The following VWA5B2 variants were observed in gnomAD, a reference collection of about 807,000 sequenced individuals.
VWA5B2 encodes the protein von Willebrand factor A domain-containing protein 5B2.
In VWA5B2, 93 loss-of-function variants were observed where a neutral mutation model predicts 118.5. The observed-to-expected ratio is 0.79, with a 90% CI of 0.66 to 0.93. VWA5B2 has a LOEUF of 0.93. VWA5B2 is among the 40% of genes least tolerant of loss of function. The probability of loss-of-function intolerance (pLI) is 0.00; values close to 1 mark genes in which losing one functional copy is unlikely to be tolerated. For missense variants in VWA5B2, 1,546 were observed against 1,672.8 expected, an observed-to-expected ratio of 0.92 and a Z score of 1.32; for synonymous variants, 708 against 716.3, an observed-to-expected ratio of 0.99 and a Z score of 0.19.
rs911077626 is a variant in VWA5B2, at chr3:184,241,862, G to C, written c.3553G>C (p.Asp1185His). The C allele has an allele frequency of 9.7e-6, 15 of 1,544,274 alleles. No homozygotes were observed. The Admixed American group carries it at 2.6e-4, about 26-fold the overall frequency. The change falls in exon 20 of 20, where the codon GAC becomes CAC. Residue 1185 changes from aspartate (D) to histidine (H), a missense_variant. Physicochemically the swap from Asp to His is moderately conservative, Grantham distance 81. Coordinates refer to ENST00000691901, the MANE Select transcript of VWA5B2 (RefSeq NM_001390846.1). The surrounding 1 kb of genome is among the most constrained non-coding windows in gnomAD (Gnocchi z 5.1). Reference sequence around the variant, plus strand: ...GGAGCACCGATGCGCCGCTGCCTTCGACGAGTGGGAACTGACAGCGGCCAA... The same window carrying C: ...GGAGCACCGATGCGCCGCTGCCTTCCACGAGTGGGAACTGACAGCGGCCAA... ...WLEHRCAAAF[D>H]EWELTAAKAD...
At position 184,241,639 on chromosome 3, in the gene VWA5B2, A is replaced by G. The variant is rs1278873975; in HGVS notation, c.3330A>G (p.Ala1110=). 9 of 1,539,290 alleles carry G rather than the reference A, an allele frequency of 5.8e-6. No individual in the cohort carries two copies. Among genetic ancestry groups the G allele is most frequent in the Non-Finnish European group, 7.9e-6 (9 of 1,145,786 alleles). The change falls in exon 20 of 20, where the codon GCA becomes GCG. Residue 1110 remains alanine, a synonymous_variant. Coordinates refer to ENST00000691901, the MANE Select transcript of VWA5B2 (RefSeq NM_001390846.1). The surrounding 1 kb of genome is among the most constrained non-coding windows in gnomAD (Gnocchi z 5.1). ...CCACCTCGGCCTCATTGCCCTGGGC[A>G]CTTCTGGGCCCTGGTGTTGGCCAGG... ...LSPTSASLPW[A]LLGPGVGQGD... is the part of the protein sequence containing the mutation.
chr3:184,229,904 C>G (rs1199688309), intron 1 of VWA5B2, among the ~76,000 whole-genome samples, 191 bp downstream of exon 1: 1 of 152,160 alleles, frequency 6.6e-6, no homozygotes, highest in South Asian at 2.1e-4. Context: ...CTCCCAAAGA[C>G]CCCCTCTTTT....
Position 184,233,382 on chromosome 3 carries a change from G to A in VWA5B2, c.515G>A (p.Gly172Glu). 1.3e-6 allele frequency: 2 copies of A among 1,537,832 alleles called. No individual in the cohort carries two copies. The highest frequency in any genetic ancestry group is 2.8e-5 in the African/African-American group (2 of 72,706). The change falls in exon 4 of 20, where the codon GGG becomes GAG. Residue 172 changes from glycine (G) to glutamate (E), a missense_variant. Transcript: ENST00000691901. This position sits in a 1 kb window ranked among gnomAD's most constrained non-coding sequence, Gnocchi z 5.2. ...CCGCCGGGGCCCCCCAGGCCTCCGG[G>A]GCTCTGTGACGACAGGTTGGGCCTA... ...PGPPGPPRPP[G>E]LCDDSPTSCF...
At chr3:184,234,148 A>AC in intron 5 of VWA5B2, 118 bp from the exon 6 acceptor site, 2 of 1,300,036 alleles carry the variant, frequency 1.5e-6, no homozygotes, top group Non-Finnish European at 2.1e-6. Flanking sequence ...CGTCCATCTG[A>AC]CCCCATATAG....
intron 8 of VWA5B2, 135 bp from the exon 9 acceptor site, chr3:184,236,017 C>T: frequency 1.3e-6 from 1 of 785,904 alleles, no homozygotes; most frequent in Non-Finnish European, 2.1e-6. Flanking sequence ...CTTTCCCTCA[C>T]ACCCAGGGCC....
Position 184,239,674 on chromosome 3 carries a change from G to A in VWA5B2, c.2393-15G>A. 1.4e-6 allele frequency: 2 copies of A among 1,467,050 alleles called. No individual in the cohort carries two copies. The highest frequency in any genetic ancestry group is 1.8e-6 in the Non-Finnish European group (2 of 1,102,918). 90.9% of individuals were successfully genotyped at this position (1,467,050 alleles called of 1,614,324 possible). On this transcript the variant is annotated splice_polypyrimidine_tract_variant and intron_variant, in intron 15 of 19. Transcript: ENST00000691901. This position sits in a 1 kb window ranked among gnomAD's most constrained non-coding sequence, Gnocchi z 5.1. ...GGACCACTCTGCCCATGCCCCTGCT[G>A]TCTTGCCTCCCCAGGAAACCTGCTC...
rs1017546542 is a variant in VWA5B2, at chr3:184,235,313, G to A, written c.1101+5G>A. The A allele has an allele frequency of 2.2e-5, 34 of 1,551,100 alleles. No individual in the cohort carries two copies. Among genetic ancestry groups the A allele is most frequent in the East Asian group, 4.9e-5 (2 of 40,928 alleles). On this transcript the variant is annotated splice_donor_5th_base_variant and intron_variant, in intron 8 of 19. Transcript: ENST00000691901. ...AGCAGCAGCGTGGCACACAAGGCCC[G>A]TGGGGGTGTGGTGTGGGCAGGCCTG...
rs1007427394 is a variant in VWA5B2 at position 184,234,195 on chromosome 3, C to G, written c.689-71C>G. On this transcript the variant is annotated intron_variant, in intron 5 of 19. Coordinates refer to ENST00000691901, the MANE Select transcript of VWA5B2 (RefSeq NM_001390846.1). ...AGAGCTGACTGAATCAGCCATGACC[C>G]CTGCCAACATTTGCTGTCCCTGGGA... 4.6e-6 allele frequency: 7 copies of G among 1,524,438 alleles called. No individual in the cohort carries two copies. In the African/African-American group the frequency reaches 9.6e-5, roughly 21 times the overall value. 94.4% of individuals were successfully genotyped at this position (1,524,438 alleles called of 1,614,324 possible).
intron 5 of VWA5B2, among the ~76,000 whole-genome samples, 190 bp from the exon 6 acceptor site, chr3:184,234,076 G>A (rs939397152): frequency 1.3e-5 from 2 of 152,108 alleles, no homozygotes; most frequent in Admixed American, 6.5e-5. Context: ...ATGACTCTTC[G>A]ACCAGCCAGA....
rs757187000 is a variant in VWA5B2 at position 184,235,350 on chromosome 3, G to A, written c.1101+42G>A. On this transcript the variant is annotated intron_variant, in intron 8 of 19. Transcript: ENST00000691901. ...TGTGGGCAGGCCTGGGGGTTGGGTG[G>A]GGCAGTGGGTCTGAGGAGGGCTGGG... is the stretch of plus-strand genomic sequence containing the variant. The A allele has an allele frequency of 9.4e-5, 145 of 1,539,950 alleles. No homozygotes were observed. The Admixed American group carries it at 2.7e-3, about 29-fold the overall frequency.
In VWA5B2 at chr3:184,241,095, G is replaced by A. The variant is rs1560158134; in HGVS notation, c.2950G>A (p.Val984Ile). The change falls in exon 18 of 20, where the codon GTC becomes ATC. Residue 984 changes from valine (V) to isoleucine (I), a missense_variant. Around this residue, in one of 3 missense-constraint regions of VWA5B2, gnomAD observed 763 missense variants for 766.6 expected, o/e 1.00. Coordinates refer to ENST00000691901, the MANE Select transcript of VWA5B2 (RefSeq NM_001390846.1). The surrounding 1 kb of genome is among the most constrained non-coding windows in gnomAD (Gnocchi z 5.1). The part of the protein sequence containing the change: ...HLDAAPLPTV[V>I]YSKGLQRGSP... ...AGATGCAGCTCCTCTGCCCACTGTT[G>A]TCTACTCTAAAGGTAACACCCAAAG... 9.0e-6 allele frequency: 14 copies of A among 1,551,704 alleles called. No individual in the cohort carries two copies. The highest frequency in any genetic ancestry group is 1.2e-5 in the Non-Finnish European group (14 of 1,147,002).
In VWA5B2 at chr3:184,234,326, C is replaced by A; in HGVS notation, c.749C>A (p.Ala250Asp). ...GCCCCCCCTCATGCCAGCTCTGCAGCCACCATCTGTGTCACACTGGCAGAG... is the reference window on the plus strand; with the variant it reads ...GCCCCCCCTCATGCCAGCTCTGCAGACACCATCTGTGTCACACTGGCAGAG... ...ADAPPHASSA[A>D]TICVTLAEGH... is the part of the protein sequence containing the mutation. The change falls in exon 6 of 20, where the codon GCC (alanine) becomes GAC (aspartate). Residue 250 changes from alanine to aspartate, a missense_variant. Around this residue, in one of 3 missense-constraint regions of VWA5B2, gnomAD observed 775 missense variants for 882.3 expected, o/e 0.88. Coordinates refer to ENST00000691901, the MANE Select transcript of VWA5B2 (RefSeq NM_001390846.1). 6.4e-7 allele frequency: 1 copy of A among 1,551,732 alleles called. No individual in the cohort carries two copies. Among genetic ancestry groups the A allele is most frequent in the South Asian group, 1.2e-5 (1 of 84,064 alleles).
rs2108436487 is a variant in VWA5B2, at chr3:184,241,611, G to A, written c.3302G>A (p.Ser1101Asn). The A allele has an allele frequency of 1.9e-6, 3 of 1,543,246 alleles. No homozygotes were observed. Among genetic ancestry groups the A allele is most frequent in the Admixed American group, 2.0e-5 (1 of 50,980 alleles). Residue 1101 changes from serine to asparagine, a missense_variant, in exon 20 of 20, where the codon AGC becomes AAC. Physicochemically the swap from Ser to Asn is conservative, Grantham distance 46. Transcript: ENST00000691901. The surrounding 1 kb of genome is among the most constrained non-coding windows in gnomAD (Gnocchi z 5.1). ...TTTGCCGTGCACCGCGCCAGCCTCAGCCCCACCTCGGCCTCATTGCCCTGG... is the reference window on the plus strand; with the variant it reads ...TTTGCCGTGCACCGCGCCAGCCTCAACCCCACCTCGGCCTCATTGCCCTGG... ...SPFAVHRASL[S>N]PTSASLPWAL...
In VWA5B2 at chr3:184,235,152, G is replaced by C; in HGVS notation, c.946-1G>C. ...GGCTGACTTGGGACTCCCCCGCTCA[G>C]GTGTGGTTCCTGCAGCGACGCTTCC... is the stretch of plus-strand genomic sequence containing the variant. On this transcript the variant is annotated splice_acceptor_variant, in intron 7 of 19. Coordinates refer to ENST00000691901, the MANE Select transcript of VWA5B2 (RefSeq NM_001390846.1). LOFTEE classifies it high-confidence loss of function. 2 of 1,551,366 alleles carry C rather than the reference G, an allele frequency of 1.3e-6. No homozygotes were observed. The highest frequency in any genetic ancestry group is 8.7e-7 in the Non-Finnish European group (1 of 1,146,774).
Position 184,238,302 on chromosome 3 carries a change from G to A in VWA5B2, c.1720-1G>A, listed in dbSNP as rs759507158. ...TTTTTTCCCAATAATATTCTCTCTAGGGCCAAGAGCCTGGCTGGCAGAGCT... is the reference window on the plus strand; with the variant it reads ...TTTTTTCCCAATAATATTCTCTCTAAGGCCAAGAGCCTGGCTGGCAGAGCT... On this transcript the variant is annotated splice_acceptor_variant, in intron 12 of 19. Coordinates refer to ENST00000691901, the MANE Select transcript of VWA5B2 (RefSeq NM_001390846.1). LOFTEE classifies it high-confidence loss of function. The surrounding 1 kb of genome is among the most constrained non-coding windows in gnomAD (Gnocchi z 5.0). 2.8e-5 allele frequency: 42 copies of A among 1,505,442 alleles called. No homozygotes were observed. The highest frequency in any genetic ancestry group is 1.3e-5 in the Non-Finnish European group (15 of 1,123,250). 93.3% of individuals were successfully genotyped at this position (1,505,442 alleles called of 1,614,324 possible). A position where few individuals can be genotyped will look rare whatever the true frequency, so the allele number is the denominator to read the frequency against.
In VWA5B2 at chr3:184,234,343, C is replaced by A. The variant is rs757263553; in HGVS notation, c.766C>A (p.Leu256Met). 1.9e-6 allele frequency: 3 copies of A among 1,551,760 alleles called. No homozygotes were observed. Among genetic ancestry groups the A allele is most frequent in the Non-Finnish European group, 1.7e-6 (2 of 1,147,010 alleles). Residue 256 changes from leucine to methionine, a missense_variant, in exon 6 of 20, where the codon CTG becomes ATG. Leu to Met is a conservative substitution (Grantham distance 15, BLOSUM62 2). This residue lies in a region of VWA5B2 where 775 missense variants were observed against 882.3 expected (regional missense o/e 0.88). Coordinates refer to ENST00000691901, the MANE Select transcript of VWA5B2 (RefSeq NM_001390846.1). ...ASSAATICVT[L>M]AEGHHCDRAL... ...CTCTGCAGCCACCATCTGTGTCACACTGGCAGAGGGCCACCACTGTGACCG... is the reference window on the plus strand; with the variant it reads ...CTCTGCAGCCACCATCTGTGTCACAATGGCAGAGGGCCACCACTGTGACCG...
chr3:184,236,909 A>G (rs1718061179), intron 11 of VWA5B2, among the ~76,000 whole-genome samples, 160 bp downstream of exon 11: 2 of 152,170 alleles, frequency 1.3e-5, no homozygotes, highest in Admixed American at 1.3e-4. Flanking sequence ...GGTGCTGTGA[A>G]GGCCAAAGGT....
In VWA5B2 at chr3:184,238,392, C is replaced by T. The variant is rs765504845; in HGVS notation, c.1809C>T (p.Pro603=). The T allele has an allele frequency of 1.9e-6, 3 of 1,550,832 alleles. No homozygotes were observed. In the South Asian group the frequency reaches 3.6e-5, roughly 18 times the overall value. The change falls in exon 13 of 20, where the codon CCC becomes CCT. Residue 603 remains proline (P), a synonymous_variant. Transcript: ENST00000691901. The surrounding 1 kb of genome is among the most constrained non-coding windows in gnomAD (Gnocchi z 5.0). ...APSAASPGTE[P]TGTSEPLGTG... Reference sequence around the variant, plus strand: ...CTGCTGCCAGCCCTGGCACTGAGCCCACTGGCACCTCAGAGCCACTGGGAA... The same window carrying T: ...CTGCTGCCAGCCCTGGCACTGAGCCTACTGGCACCTCAGAGCCACTGGGAA...
Position 184,237,139 on chromosome 3 carries a change from C to T in VWA5B2, c.1534-87C>T. The stretch of plus-strand genomic sequence containing the variant: ...ATCAGCTTAGGGGCTGGGCAGATGG[C>T]ATCAGGGGAAGGGCAGCCTTCCTGC... On this transcript the variant is annotated intron_variant, in intron 11 of 19. Transcript: ENST00000691901. This position sits in a 1 kb window ranked among gnomAD's most constrained non-coding sequence, Gnocchi z 5.6. The T allele has an allele frequency of 7.0e-7, 1 of 1,423,074 alleles. No individual in the cohort carries two copies. The highest frequency in any genetic ancestry group is 1.4e-5 in the South Asian group (1 of 73,728). 88.2% of individuals were successfully genotyped at this position (1,423,074 alleles called of 1,614,324 possible).
Sources: gnomAD v4.1 joint callset for allele counts (sites outside exome capture counted in the v4.1 genomes callset) on GRCh38, gnomAD v4.1.1 for gene constraint, gnomAD v4.1.1 regional missense constraint, Gnocchi (gnomAD v3.1) non-coding constraint, MANE v1.5 for transcripts, NCBI Gene and HGNC (gene_info 2026-07-23, HGNC 2026-07-21) for gene names.